The following MIGA1 variants were observed in gnomAD, a reference collection of about 807,000 sequenced individuals.
MIGA1 encodes family with sequence similarity 73, member A.
A neutral mutation model predicts 82.0 loss-of-function variants in MIGA1; 58 were observed. That is an observed-to-expected ratio of 0.71 (90% confidence interval 0.57 to 0.88). The LOEUF is 0.88. Ranked by LOEUF, MIGA1 falls within the 40% of genes least tolerant of loss-of-function variation. The pLI is 0.00. For missense variants in MIGA1, 751 were observed against 749.1 expected (o/e 1.00, Z -0.03); for synonymous variants, 249 against 253.6 (o/e 0.98, Z 0.17).
At chr1:77,807,939 C>T (rs1683167035) in intron 5 of MIGA1, among the ~76,000 whole-genome samples, 1 of 152,112 alleles carries the variant, frequency 6.6e-6, no homozygotes, top group East Asian at 1.9e-4. Flanking sequence ...ATGCCTCAGC[C>T]TCCCAAGTAG....
intron 11 of MIGA1, chr1:77,860,726 G>A (rs1477798408): frequency 6.5e-6 from 1 of 153,028 alleles, no homozygotes; most frequent in African/African-American, 2.4e-5. Context: ...GGGTTTTTAG[G>A]ATGATTAAAT....
chr1:77,791,008 G>C (rs1682393569), intron 2 of MIGA1, among the ~76,000 whole-genome samples: 1 of 152,012 alleles, frequency 6.6e-6, no homozygotes, highest in Non-Finnish European at 1.5e-5. Context: ...CAGCACTTTG[G>C]CTGGCAGGAG....
intron 14 of MIGA1, among the ~76,000 whole-genome samples, chr1:77,870,195 G>A (rs866317659): frequency 0.03 from 3,232 of 107,666 alleles, no homozygotes; most frequent in Non-Finnish European, 0.05. Flanking sequence ...CCTCCCGGAC[G>A]GGGCGGCTGG....
intron 8 of MIGA1, among the ~76,000 whole-genome samples, chr1:77,850,944 A>T (rs1309903410): frequency 2.0e-5 from 3 of 151,660 alleles, no homozygotes; most frequent in Non-Finnish European, 2.9e-5. Context: ...ATCTTGCCTC[A>T]CTGCAACCTC....
At chr1:77,811,379 C>T (rs1022983883) in intron 5 of MIGA1, 1 of 1,606,336 alleles carries the variant, frequency 6.2e-7, no homozygotes, top group African/African-American at 1.3e-5. Context: ...CCCTCTTCTT[C>T]ATCTTCTTCA....
intron 1 of MIGA1, among the ~76,000 whole-genome samples, chr1:77,782,435 A>G (rs1248068222): frequency 6.6e-6 from 1 of 152,140 alleles, no homozygotes; most frequent in Non-Finnish European, 1.5e-5. Flanking sequence ...TATGTACACT[A>G]GATCGTTTAT....
chr1:77,812,678 A>AT (rs1288400801), intron 5 of MIGA1, among the ~76,000 whole-genome samples: 2 of 152,068 alleles, frequency 1.3e-5, no homozygotes, highest in Non-Finnish European at 2.9e-5. Context: ...GTTTTAAACT[A>AT]TTTTTGTTTT....
chr1:77,787,976 T>C (rs1682244432), intron 2 of MIGA1, among the ~76,000 whole-genome samples: 1 of 151,786 alleles, frequency 6.6e-6, no homozygotes, highest in Non-Finnish European at 1.5e-5. Flanking sequence ...CCACCACACC[T>C]GGCTAATTTT....
At chr1:77,803,192 T>G in intron 3 of MIGA1, 78 bp from the exon 4 acceptor site, 1 of 940,454 alleles carries the variant, frequency 1.1e-6, no homozygotes, top group Non-Finnish European at 1.5e-6. Flanking sequence ...GTGAATATAT[T>G]ATAAACTCTG....
At position 77,848,613 on chromosome 1, in the gene MIGA1, A is replaced by G. The variant is rs144438391; in HGVS notation, c.996+5206A>G. 1,640 of 1,464,098 alleles carry G rather than the reference A, an allele frequency of 1.1e-3. 12 individuals carry two copies. The African/African-American group carries it at 0.02, about 18-fold the overall frequency. 90.7% of individuals were successfully genotyped at this position (1,464,098 alleles called of 1,614,324 possible). A position where few individuals can be genotyped will look rare whatever the true frequency, so the allele number is the denominator to read the frequency against. On this transcript the variant is annotated intron_variant, in intron 8 of 15. Coordinates refer to ENST00000370791, the MANE Select transcript of MIGA1 (RefSeq NM_198549.4). Reference sequence around the variant, plus strand: ...AGAAACCCTCTAATTCTGAATCATCACTGGGAGCAAAACACAGACTCACAG... The same window carrying G: ...AGAAACCCTCTAATTCTGAATCATCGCTGGGAGCAAAACACAGACTCACAG...
At chr1:77,837,678 A>AT (rs1684483117) in intron 7 of MIGA1, among the ~76,000 whole-genome samples, 1 of 152,226 alleles carries the variant, frequency 6.6e-6, no homozygotes, top group African/African-American at 2.4e-5. Flanking sequence ...AATAGCAGAC[A>AT]TTCCTTAGTT....
intron 2 of MIGA1, among the ~76,000 whole-genome samples, chr1:77,794,327 C>G (rs1682564728): frequency 6.6e-6 from 1 of 152,134 alleles, no homozygotes; most frequent in African/African-American, 2.4e-5. Flanking sequence ...AGGATCTTAT[C>G]TAGGTTCCCA....
rs546564246 is a variant in MIGA1, at chr1:77,796,607, C to G, written c.196-4724C>G. On this transcript the variant is annotated intron_variant, in intron 2 of 15. Transcript: ENST00000370791. ...TTGGCCCCAGTACTCCTTTGAGAAA[C>G]AAATTTACCAACAGGTTACAGTATT... Among the ~76,000 whole-genome samples the G allele has an allele frequency of 2.6e-5, 4 of 152,252 alleles. No individual in the cohort carries two copies. The East Asian group carries it at 7.7e-4, about 29-fold the overall frequency.
At chr1:77,785,468 T>C (rs1370631301) in intron 2 of MIGA1, among the ~76,000 whole-genome samples, 2 of 152,036 alleles carry the variant, frequency 1.3e-5, no homozygotes, top group African/African-American at 2.4e-5. Context: ...CTCAGCCTCC[T>C]GAGTAGCTGG....
chr1:77,875,051 C>A lies in MIGA1; in HGVS notation c.1886C>A (p.Ala629Asp), dbSNP rs769427956. The A allele has an allele frequency of 6.2e-7, 1 of 1,611,874 alleles. No homozygotes were observed. The highest frequency in any genetic ancestry group is 2.2e-5 in the East Asian group (1 of 44,856). ...GTTATGTCCACTGGGCTACTGGAAGCCAAAGTACAATAAGTACCATAAGAA... is the reference window on the plus strand; with the variant it reads ...GTTATGTCCACTGGGCTACTGGAAGACAAAGTACAATAAGTACCATAAGAA... Residue 629 changes from alanine to aspartate, a missense_variant, in exon 16 of 16, where the codon GCC (alanine) becomes GAC (aspartate). Around this residue, in one of 3 missense-constraint regions of MIGA1, gnomAD observed 265 missense variants for 293.6 expected, o/e 0.90. Coordinates refer to ENST00000370791, the MANE Select transcript of MIGA1 (RefSeq NM_198549.4).
chr1:77,793,850 G>A (rs1682542563), intron 2 of MIGA1, among the ~76,000 whole-genome samples: 1 of 145,914 alleles, frequency 6.9e-6, no homozygotes, highest in Non-Finnish European at 1.5e-5. Context: ...GCAGTGGCGT[G>A]ATCTCAGCTC....
In MIGA1 at chr1:77,861,228, C is replaced by A. The variant is rs1389704403; in HGVS notation, c.1280C>A (p.Pro427Gln). 6.3e-6 allele frequency: 10 copies of A among 1,597,594 alleles called. No homozygotes were observed. In the East Asian group the frequency reaches 2.2e-4, roughly 36 times the overall value. The change falls in exon 12 of 16, where the codon CCA becomes CAA. Residue 427 changes from proline (P) to glutamine (Q), a missense_variant. This residue lies in a region of MIGA1 where 265 missense variants were observed against 293.6 expected (regional missense o/e 0.90). Coordinates refer to ENST00000370791, the MANE Select transcript of MIGA1 (RefSeq NM_198549.4). The stretch of plus-strand genomic sequence containing the variant: ...AAAATGTGTTTTCTTCTTCAGAATC[C>A]AAAGAAGTTTGAAGATGTTTTTGAT...
intron 8 of MIGA1, chr1:77,847,852 T>A: frequency 6.2e-7 from 1 of 1,605,800 alleles, no homozygotes. Flanking sequence ...GATGTGAAAG[T>A]AGAGGAAAAC....
In MIGA1 at chr1:77,878,630, T is replaced by A. The variant is rs1182184024; in HGVS notation, c.*3566T>A. 2 of 313,400 alleles carry A rather than the reference T, an allele frequency of 6.4e-6. No homozygotes were observed. The highest frequency in any genetic ancestry group is 8.5e-4 in the Middle Eastern group (1 of 1,170). The allele number at this position is 313,400 out of a possible 1,614,324, so 19.4% of individuals were successfully genotyped here. A position where few individuals can be genotyped will look rare whatever the true frequency, so the allele number is the denominator to read the frequency against. On this transcript the variant is annotated 3_prime_UTR_variant, in exon 16 of 16. Transcript: ENST00000370791. ...TTAAGTCACTCCTGAGAAAATATCC[T>A]TTTTTCTAGAAGAAAGAAGATAAAT...
Sources: gnomAD v4.1 joint callset for allele counts (sites outside exome capture counted in the v4.1 genomes callset) on GRCh38, gnomAD v4.1.1 for gene constraint, gnomAD v4.1.1 regional missense constraint, MANE v1.5 for transcripts, NCBI Gene and HGNC (gene_info 2026-07-23, HGNC 2026-07-21) for gene names.